ADAMTS2: variants seen among roughly 807,000 people sequenced by gnomAD.
ADAMTS2 encodes the protein A disintegrin and metalloproteinase with thrombospondin motifs 2.
In ADAMTS2, 50 loss-of-function variants were observed where a neutral mutation model predicts 123.0. The observed-to-expected ratio is 0.41, with a 90% CI of 0.32 to 0.51. The LOEUF is 0.51. Among genes scored for constraint, ADAMTS2 ranks in the 20% least tolerant of loss-of-function variants. The pLI, the probability that ADAMTS2 is intolerant of heterozygous loss-of-function variation, is 0.35. For synonymous variants in ADAMTS2, 678 were observed against 695.4 expected, an observed-to-expected ratio of 0.98 and a Z score of 0.39; for missense variants, 1,494 against 1,705.2, an observed-to-expected ratio of 0.88 and a Z score of 2.18.
chr5:179,112,602 C>G lies in ADAMTS2; in HGVS notation c.*1265G>C, dbSNP rs576498240. ...TGCAGGTCACTGCTGGGTTCTGGAG[C>G]TTCTGAGAGACAGAGGCGAGGTGGG... On this transcript the variant is annotated 3_prime_UTR_variant, in exon 22 of 22. Coordinates refer to ENST00000251582, the MANE Select transcript of ADAMTS2 (RefSeq NM_014244.5). The G allele has an allele frequency of 6.6e-6, 1 of 152,362 alleles. No homozygotes were observed. Among genetic ancestry groups the G allele is most frequent in the South Asian group, 2.1e-4 (1 of 4,828 alleles). The allele number at this position is 152,362 out of a possible 1,614,324, so 9.4% of individuals were successfully genotyped here. A position where few individuals can be genotyped will look rare whatever the true frequency, so the allele number is the denominator to read the frequency against.
intron 15 of ADAMTS2, among the ~76,000 whole-genome samples, chr5:179,131,439 AGGCAGCGTGGGTGCTGGTCCAC>A (rs779157484): frequency 6.6e-6 from 1 of 152,316 alleles, no homozygotes; most frequent in South Asian, 2.1e-4. Context: ...TATGTTTGTC[AGGCAGCGTGGGTGCTGGTCCAC>A]GGCAGCGTGG....
intron 4 of ADAMTS2, among the ~76,000 whole-genome samples, chr5:179,199,051 G>T (rs1223832205): frequency 2.0e-5 from 3 of 152,154 alleles, no homozygotes; most frequent in Non-Finnish European, 2.9e-5. Context: ...ATGCAGGGCA[G>T]CAGGTGTTCC....
Position 179,345,248 on chromosome 5 carries a change from G to GAGCGGCGGCGGCAGC in ADAMTS2, c.66_80dup (p.Leu27_Pro31dup). The GAGCGGCGGCGGCAGC allele has an allele frequency of 8.7e-7, 1 of 1,145,710 alleles. No homozygotes were observed. The highest frequency in any genetic ancestry group is 1.1e-6 in the Non-Finnish European group (1 of 939,196). The allele number at this position is 1,145,710 out of a possible 1,614,324, so 71.0% of individuals were successfully genotyped here. ...TCGCGGGCGGCGGCGGCGGCGGCAGGAGCGGCGGCGGCAGCAGCAGCAGCA... is the reference window on the plus strand; with the variant it reads ...TCGCGGGCGGCGGCGGCGGCGGCAGGAGCGGCGGCGGCAGCAGCGGCGGCGGCAGCAGCAGCAGCA... On this transcript the variant is annotated inframe_insertion, in exon 1 of 22. Coordinates refer to ENST00000251582, the MANE Select transcript of ADAMTS2 (RefSeq NM_014244.5). The surrounding 1 kb of genome is among the most constrained non-coding windows in gnomAD (Gnocchi z 7.5).
At chr5:179,244,520 G>A (rs1765738850) in intron 3 of ADAMTS2, among the ~76,000 whole-genome samples, 1 of 152,204 alleles carries the variant, frequency 6.6e-6, no homozygotes, top group South Asian at 2.1e-4. Flanking sequence ...TCTTCAAGCT[G>A]AAAGCAAGTG....
intron 3 of ADAMTS2, among the ~76,000 whole-genome samples, chr5:179,247,171 T>C (rs1449956016): frequency 6.6e-6 from 1 of 152,050 alleles, no homozygotes; most frequent in Non-Finnish European, 1.5e-5. Flanking sequence ...TATCACAAAA[T>C]AGAGAATATC....
chr5:179,249,462 G>T (rs1765870137), intron 3 of ADAMTS2, among the ~76,000 whole-genome samples: 1 of 152,038 alleles, frequency 6.6e-6, no homozygotes, highest in African/African-American at 2.4e-5. Context: ...GAAACCAAAA[G>T]CTGGTTCTTT....
rs1756855410 is a variant in ADAMTS2 at position 179,312,305 on chromosome 5, T to A, written c.534+31462A>T. On this transcript the variant is annotated intron_variant, in intron 2 of 21. Coordinates refer to ENST00000251582, the MANE Select transcript of ADAMTS2 (RefSeq NM_014244.5). This position sits in a 1 kb window ranked among gnomAD's most constrained non-coding sequence, Gnocchi z 4.2. The stretch of plus-strand genomic sequence containing the variant: ...CCCAAATTCCGATGTTGAAAGCTAC[T>A]CCCCCAAGGTGATATATTAGGAAGT... Among the ~76,000 whole-genome samples, 1 of 152,050 alleles carries A rather than the reference T, an allele frequency of 6.6e-6. No individual in the cohort carries two copies. Among genetic ancestry groups the A allele is most frequent in the African/African-American group, 2.4e-5 (1 of 41,390 alleles).
At chr5:179,316,090 C>T (rs567373415) in intron 2 of ADAMTS2, among the ~76,000 whole-genome samples, 1 of 152,288 alleles carries the variant, frequency 6.6e-6, no homozygotes, top group South Asian at 2.1e-4. Flanking sequence ...AGTTCAAAAG[C>T]TCCCAGAGGG....
chr5:179,269,131 C>T (rs948567303), intron 3 of ADAMTS2, among the ~76,000 whole-genome samples: 1 of 152,164 alleles, frequency 6.6e-6, no homozygotes, highest in African/African-American at 2.4e-5. Context: ...CAGAGATTGG[C>T]ATGATGCAGC....
intron 2 of ADAMTS2, among the ~76,000 whole-genome samples, chr5:179,319,813 C>T (rs539546010): frequency 1.3e-5 from 2 of 152,266 alleles, no homozygotes; most frequent in Non-Finnish European, 2.9e-5. Flanking sequence ...TCACCAGCCC[C>T]CGCAGTCATT....
chr5:179,287,921 T>TC (rs1161268610), intron 2 of ADAMTS2, among the ~76,000 whole-genome samples: 4 of 152,040 alleles, frequency 2.6e-5, no homozygotes, highest in Admixed American at 6.5e-5. Context: ...CCAACGCCAG[T>TC]CCCCCCACTC....
At position 179,180,085 on chromosome 5, in the gene ADAMTS2, G is replaced by A. The variant is rs938788141; in HGVS notation, c.975+987C>T. On this transcript the variant is annotated intron_variant, in intron 5 of 21. Coordinates refer to ENST00000251582, the MANE Select transcript of ADAMTS2 (RefSeq NM_014244.5). This position sits in a 1 kb window ranked among gnomAD's most constrained non-coding sequence, Gnocchi z 4.6. ...TGTTCTTATCTGTGAAATGGGCAGA[G>A]TCACAGTGTGCACCCCTCCATCTGC... Among the ~76,000 whole-genome samples the A allele has an allele frequency of 2.6e-5, 4 of 152,176 alleles. No homozygotes were observed. Among genetic ancestry groups the A allele is most frequent in the Admixed American group, 2.0e-4 (3 of 15,278 alleles).
chr5:179,116,260 A>ACCCCCCCCCCCCCCCCCCCCCCCCCCC (rs146306326), intron 21 of ADAMTS2, among the ~76,000 whole-genome samples: 8 of 93,776 alleles, frequency 8.5e-5, no homozygotes, highest in Non-Finnish European at 1.1e-4. Flanking sequence ...TGACCACGGC[A>ACCCCCCCCCCCCCCCCCCCCCCCCCCC]CCCCCCCCCC....
At chr5:179,204,149 C>A (rs1297167392) in intron 4 of ADAMTS2, among the ~76,000 whole-genome samples, 10 of 152,126 alleles carry the variant, frequency 6.6e-5, no homozygotes, top group Non-Finnish European at 1.5e-4. Flanking sequence ...TAGTCAAATT[C>A]TCAGAAACAG....
intron 2 of ADAMTS2, among the ~76,000 whole-genome samples, chr5:179,339,562 G>A (rs559359674): frequency 2.0e-5 from 3 of 152,314 alleles, no homozygotes; most frequent in South Asian, 2.1e-4. Flanking sequence ...CAAGTATGGC[G>A]GAGGCTGAGA....
rs539436450 is a variant in ADAMTS2, at chr5:179,277,146, G to T, written c.535-4082C>A. Among the ~76,000 whole-genome samples, 204 of 152,234 alleles carry T rather than the reference G, an allele frequency of 1.3e-3. 1 individual carries two copies. The highest frequency in any genetic ancestry group is 4.6e-3 in the African/African-American group (190 of 41,526). On this transcript the variant is annotated intron_variant, in intron 2 of 21. Coordinates refer to ENST00000251582, the MANE Select transcript of ADAMTS2 (RefSeq NM_014244.5). ...CACACTGGGGTCCATCTGAAGCAGG[G>T]CCTGGGCTCAGGCTTCCTCACACAG...
chr5:179,199,517 G>C (rs974800876), intron 4 of ADAMTS2, among the ~76,000 whole-genome samples: 1 of 152,228 alleles, frequency 6.6e-6, no homozygotes, highest in African/African-American at 2.4e-5. Context: ...CCAGTAGGAA[G>C]GGGGCGTGCC....
rs573510924 is a variant in ADAMTS2, at chr5:179,296,461, C to T, written c.535-23397G>A. 3.4e-5 allele frequency among the ~76,000 whole-genome samples: 5 copies of T among 148,826 alleles called. 1 individual carries two copies. The South Asian group carries it at 1.0e-3, about 31-fold the overall frequency. ...GTAGATCCTTCAGCGAGGCTGGGGCCCCTGCTCGGAGGCAGGAAAGTAAGG... is the reference window on the plus strand; with the variant it reads ...GTAGATCCTTCAGCGAGGCTGGGGCTCCTGCTCGGAGGCAGGAAAGTAAGG... On this transcript the variant is annotated intron_variant, in intron 2 of 21. Transcript: ENST00000251582.
At chr5:179,138,631 C>T (rs1437558766) in intron 11 of ADAMTS2, among the ~76,000 whole-genome samples, 2 of 152,210 alleles carry the variant, frequency 1.3e-5, no homozygotes, top group Non-Finnish European at 2.9e-5. Flanking sequence ...GGAGGGGCCA[C>T]GGGGCTCCCT....
Sources: allele counts gnomAD v4.1 joint callset (sites outside exome capture counted in the v4.1 genomes callset), GRCh38; gene constraint gnomAD v4.1.1; non-coding constraint Gnocchi (gnomAD v3.1); transcripts MANE v1.5; gene names NCBI Gene and HGNC (gene_info 2026-07-23, HGNC 2026-07-21).